The following STAB1 variants were observed in gnomAD, a reference collection of about 807,000 sequenced individuals.
STAB1 encodes stabilin 1, also known as stabilin-1.
Under a neutral mutation model 332.4 loss-of-function variants are expected in STAB1, and 250 were observed. The ratio of observed to expected loss-of-function variants is 0.75; its 90% CI spans 0.68 to 0.84. STAB1 has a LOEUF of 0.84. Among genes scored for constraint, STAB1 ranks in the 40% least tolerant of loss-of-function variants. The pLI, the probability that STAB1 is intolerant of heterozygous loss-of-function variation, is 0.00. For missense variants in STAB1, 3,249 were observed against 3,489.7 expected, an observed-to-expected ratio of 0.93 and a Z score of 1.74; for synonymous variants, 1,475 against 1,390.4, an observed-to-expected ratio of 1.06 and a Z score of -1.35.
chr3:52,508,422 C>T lies in STAB1; in HGVS notation c.2235+63C>T, dbSNP rs754230522. 4.5e-6 allele frequency: 7 copies of T among 1,542,316 alleles called. No individual in the cohort carries two copies. The Admixed American group carries it at 5.1e-5, about 11-fold the overall frequency. On this transcript the variant is annotated intron_variant, in intron 21 of 68. Coordinates refer to ENST00000321725, the MANE Select transcript of STAB1 (RefSeq NM_015136.3). ...CACAAGGACTCCTTCACCGGTTGGC[C>T]AGTGACTGGCTGTGTGTCTGGGCCA...
In STAB1 at chr3:52,523,714, C is replaced by T; in HGVS notation, c.7353C>T (p.Ile2451=). The change falls in exon 66 of 69, where the codon ATC becomes ATT. Residue 2451 remains isoleucine (I), a synonymous_variant. Coordinates refer to ENST00000321725, the MANE Select transcript of STAB1 (RefSeq NM_015136.3). The part of the protein sequence containing the change: ...IVWDIMAFNG[I]IHALASPLLA... ...GGGACATCATGGCCTTCAATGGCAT[C>T]ATCCATGCTCTGGCCAGCCCCCTCC... The T allele has an allele frequency of 6.2e-7, 1 of 1,606,340 alleles. No homozygotes were observed. Among genetic ancestry groups the T allele is most frequent in the Non-Finnish European group, 8.5e-7 (1 of 1,174,450 alleles).
In STAB1 at chr3:52,507,978, C is replaced by A. The variant is rs1390964281; in HGVS notation, c.2100C>A (p.Leu700=). ...ECVYIHDPTG[L]NVLKKGCASY... is the part of the protein sequence containing the mutation. ...TCTACATCCATGACCCAACGGGGCT[C>A]AATGTGCTAAAGAAGGGCTGTGCCA... The change falls in exon 20 of 69, where the codon CTC becomes CTA. Residue 700 remains leucine (L), a synonymous_variant. Transcript: ENST00000321725. The A allele has an allele frequency of 6.2e-7, 1 of 1,613,704 alleles. No individual in the cohort carries two copies. The highest frequency in any genetic ancestry group is 1.1e-5 in the South Asian group (1 of 91,080).
chr3:52,497,741 G>A, intron 1 of STAB1, among the ~76,000 whole-genome samples: 1 of 152,130 alleles, frequency 6.6e-6, no homozygotes, highest in East Asian at 1.9e-4. Flanking sequence ...AGGGACTTGA[G>A]CATCCACAGA....
rs1709109311 is a variant in STAB1 at position 52,509,227 on chromosome 3, G to A, written c.2253G>A (p.Gln751=). 6.2e-7 allele frequency: 1 copy of A among 1,613,478 alleles called. No individual in the cohort carries two copies. The highest frequency in any genetic ancestry group is 1.3e-5 in the African/African-American group (1 of 74,944). The stretch of plus-strand genomic sequence containing the variant: ...CTCTCTAGTGCAGTGATGGGATCCA[G>A]GGCAATGGGGCCTGCCTCTGCTTCC... ...YGKGNCSDGI[Q]GNGACLCFPD... Residue 751 remains glutamine (Q), a synonymous_variant, in exon 22 of 69, where the codon CAG becomes CAA. Transcript: ENST00000321725.
rs200639675 is a variant in STAB1 at position 52,495,502 on chromosome 3, G to A, written c.78+11G>A. ...TTCGTCAGGGGGCAGGTAAGTGTGA[G>A]CCAGTCGCAGGGGCACACGGCGTCT... On this transcript the variant is annotated intron_variant, in intron 1 of 68. Transcript: ENST00000321725. The A allele has an allele frequency of 7.5e-6, 10 of 1,326,836 alleles. No individual in the cohort carries two copies. In the Admixed American group the frequency reaches 1.9e-4, roughly 26 times the overall value. 82.2% of individuals were successfully genotyped at this position (1,326,836 alleles called of 1,614,324 possible). A position where few individuals can be genotyped will look rare whatever the true frequency, so the allele number is the denominator to read the frequency against.
At position 52,518,858 on chromosome 3, in the gene STAB1, A is replaced by T; in HGVS notation, c.5023A>T (p.Ser1675Cys). The T allele has an allele frequency of 6.3e-7, 1 of 1,591,808 alleles. No individual in the cohort carries two copies. The highest frequency in any genetic ancestry group is 8.5e-7 in the Non-Finnish European group (1 of 1,173,424). The part of the protein sequence containing the change: ...TALSGHPLRF[S>C]EREGSIYLND... The stretch of plus-strand genomic sequence containing the variant: ...CCTCTCAGGGCACCCACTGCGCTTC[A>T]GCGAGAGGGAGGTGAGCCCTGGCCC... Residue 1675 changes from serine (S) to cysteine (C), a missense_variant, in exon 48 of 69, where the codon AGC (serine) becomes TGC (cysteine). Coordinates refer to ENST00000321725, the MANE Select transcript of STAB1 (RefSeq NM_015136.3).
rs781256854 is a variant in STAB1, at chr3:52,522,457, C to G, written c.6593C>G (p.Thr2198Ser). Residue 2198 changes from threonine to serine, a missense_variant, in exon 60 of 69, where the codon ACT becomes AGT. Transcript: ENST00000321725. ...PPPCHSDAMCTDLHFQEKRAG... is the reference protein window; with the variant it reads ...PPPCHSDAMCSDLHFQEKRAG... ...CCCTGCCACTCAGATGCCATGTGCA[C>G]TGACCTGCACTTCCAGGGTGTGTCC... The G allele has an allele frequency of 2.5e-6, 4 of 1,613,236 alleles. No homozygotes were observed. The South Asian group carries it at 4.4e-5, about 18-fold the overall frequency.
chr3:52,504,799 G>A lies in STAB1; in HGVS notation c.1300G>A (p.Asp434Asn). ...CATCGCAGGGCAGCACATCCTGGAG[G>A]ACACAAGGACCCAACAAACACGAAG... ...HIIAGQHILE[D>N]TRTQQTRRWW... Residue 434 changes from aspartate to asparagine, a missense_variant, in exon 12 of 69, where the codon GAC becomes AAC. Transcript: ENST00000321725. 6.2e-7 allele frequency: 1 copy of A among 1,613,910 alleles called. No homozygotes were observed. The highest frequency in any genetic ancestry group is 1.1e-5 in the South Asian group (1 of 91,088).
Position 52,517,397 on chromosome 3 carries a change from A to C in STAB1, c.4563+4A>C. 1 of 1,600,474 alleles carries C rather than the reference A, an allele frequency of 6.2e-7. No individual in the cohort carries two copies. On this transcript the variant is annotated splice_donor_region_variant and intron_variant, in intron 43 of 68. Transcript: ENST00000321725. ...CATCCCCACTGGCCCCCAGCAGGTC[A>C]GCATGGCAGGGTTGGACATGGGGCA... is the stretch of plus-strand genomic sequence containing the variant.
chr3:52,508,942 T>C (rs1335666488), intron 21 of STAB1, among the ~76,000 whole-genome samples: 1 of 152,258 alleles, frequency 6.6e-6, no homozygotes, highest in Non-Finnish European at 1.5e-5. Context: ...CTTTGTAATA[T>C]CACGGTTACT....
intron 30 of STAB1, among the ~76,000 whole-genome samples, chr3:52,513,450 T>C (rs997612253): frequency 4.6e-5 from 7 of 152,158 alleles, no homozygotes; most frequent in Admixed American, 6.5e-5. Context: ...GCAGGGGCTC[T>C]CTGTCCATCT....
intron 10 of STAB1, 86 bp downstream of exon 10, chr3:52,504,241 C>A (rs1237263868): frequency 1.3e-6 from 2 of 1,520,568 alleles, no homozygotes; most frequent in African/African-American, 2.7e-5. Context: ...CTGCAGATTC[C>A]AGTTTCTCTG....
chr3:52,506,290 G>A (rs576691450), intron 17 of STAB1, 40 bp downstream of exon 17: 27 of 1,560,226 alleles, frequency 1.7e-5, no homozygotes, highest in East Asian at 9.2e-5. Flanking sequence ...TGGGGCTGGC[G>A]GTGACCAGCT....
chr3:52,523,494 A>ACT lies in STAB1; in HGVS notation c.7208_7209insCT (p.Gln2403HisfsTer198). 6.2e-7 allele frequency: 1 copy of ACT among 1,612,504 alleles called. No individual in the cohort carries two copies. The highest frequency in any genetic ancestry group is 8.5e-7 in the Non-Finnish European group (1 of 1,179,662). On this transcript the variant is annotated frameshift_variant, in exon 65 of 69. Transcript: ENST00000321725. LOFTEE classifies it high-confidence loss of function. The stretch of plus-strand genomic sequence containing the variant: ...ACCCTCCTAAGTGCCAACGCCAGCC[A>ACT]GGGGAAGTTGCTTCCGGCCCACTCA...
At position 52,521,879 on chromosome 3, in the gene STAB1, G is replaced by A. The variant is rs143476682; in HGVS notation, c.6199G>A (p.Glu2067Lys). 14 of 1,606,108 alleles carry A rather than the reference G, an allele frequency of 8.7e-6. No homozygotes were observed. In the African/African-American group the frequency reaches 1.1e-4, roughly 12 times the overall value. The change falls in exon 58 of 69, where the codon GAG becomes AAG. Residue 2067 changes from glutamate (E) to lysine (K), a missense_variant. By Grantham distance (56) the Glu-to-Lys change is moderately conservative (BLOSUM62 1). Coordinates refer to ENST00000321725, the MANE Select transcript of STAB1 (RefSeq NM_015136.3). ...TGTGTGTACCCCACCCTGTGCACCC[G>A]AGGCTGTGTGCCGTGCAGGCAACAG... The part of the protein sequence containing the change: ...QPVCTPPCAP[E>K]AVCRAGNSCE...
chr3:52,502,445 A>G (rs932970185), intron 5 of STAB1, among the ~76,000 whole-genome samples, 187 bp from the exon 6 acceptor site: 2 of 152,200 alleles, frequency 1.3e-5, no homozygotes, highest in Non-Finnish European at 2.9e-5. Context: ...GCCCTCTGTG[A>G]GCCCCAGGCC....
intron 37 of STAB1, 109 bp from the exon 38 acceptor site, chr3:52,515,934 C>A: frequency 7.9e-7 from 1 of 1,258,576 alleles, no homozygotes; most frequent in Non-Finnish European, 1.1e-6. Flanking sequence ...GACTGGGGTT[C>A]TGAGGGGTTT....
intron 14 of STAB1, 83 bp from the exon 15 acceptor site, chr3:52,505,585 G>A (rs548729389): frequency 7.1e-6 from 10 of 1,414,564 alleles, no homozygotes; most frequent in African/African-American, 1.4e-5. Context: ...GTTTCCTGCA[G>A]GCCAAAGGTG....
At position 52,524,321 on chromosome 3, in the gene STAB1, T is replaced by A; in HGVS notation, c.7678T>A (p.Phe2560Ile). The A allele has an allele frequency of 6.2e-7, 1 of 1,613,890 alleles. No homozygotes were observed. Among genetic ancestry groups the A allele is most frequent in the Non-Finnish European group, 8.5e-7 (1 of 1,180,010 alleles). ...CTAGGACTCACTGCTGGAGGAGGAC[T>A]TCCCTGACACCCAGAGGATCCTCAC... Reference protein sequence around the residue: ...PFDDSLLEEDFPDTQRILTVK With the variant: ...PFDDSLLEEDIPDTQRILTVK Residue 2560 changes from phenylalanine (F) to isoleucine (I), a missense_variant, in exon 69 of 69, where the codon TTC (phenylalanine) becomes ATC (isoleucine). By Grantham distance (21) the Phe-to-Ile change is conservative. Transcript: ENST00000321725.
Sources: allele counts gnomAD v4.1 joint callset (sites outside exome capture counted in the v4.1 genomes callset), GRCh38; gene constraint gnomAD v4.1.1; transcripts MANE v1.5; gene names NCBI Gene and HGNC (gene_info 2026-07-23, HGNC 2026-07-21).